FAM222A: variants seen among roughly 807,000 people sequenced by gnomAD.
FAM222A encodes the protein family with sequence similarity 222 member A.
In FAM222A, 7 loss-of-function variants were observed where a neutral mutation model predicts 25.8. That is an observed-to-expected ratio of 0.27 (90% CI 0.15 to 0.51). The LOEUF (loss-of-function observed/expected upper bound fraction) is 0.51. Among genes scored for constraint, FAM222A ranks in the 20% least tolerant of loss-of-function variants. The probability of loss-of-function intolerance (pLI) is 0.97; values close to 1 mark genes in which losing one functional copy is unlikely to be tolerated. For missense variants in FAM222A, 573 were observed against 640.5 expected (o/e 0.89, Z 1.14); for synonymous variants, 294 against 298.8 (o/e 0.98, Z 0.17).
At position 109,721,233 on chromosome 12, in the gene FAM222A, T is replaced by C. The variant is rs543085716; in HGVS notation, c.-47+6336T>C. Among the ~76,000 whole-genome samples the C allele has an allele frequency of 1.5e-4, 23 of 152,310 alleles. No individual in the cohort carries two copies. In the South Asian group the frequency reaches 2.1e-3, roughly 14 times the overall value. ...CCCCTTCATTATCCACACAAGCTTTTGCCTCTTCACTGCCTGTAAGGGTAC... is the reference window on the plus strand; with the variant it reads ...CCCCTTCATTATCCACACAAGCTTTCGCCTCTTCACTGCCTGTAAGGGTAC... On this transcript the variant is annotated intron_variant, in intron 1 of 2. Transcript: ENST00000538780.
chr12:109,730,406 C>CGG (rs56107932), intron 1 of FAM222A, among the ~76,000 whole-genome samples: 30 of 119,972 alleles, frequency 2.5e-4, no homozygotes, highest in African/African-American at 9.1e-4. Context: ...GCCTGGGGGG[C>CGG]GGGGGGGGGG....
chr12:109,720,610 A>G (rs1269886324), intron 1 of FAM222A, among the ~76,000 whole-genome samples: 2 of 152,248 alleles, frequency 1.3e-5, no homozygotes, highest in East Asian at 1.9e-4. Context: ...CCGATAGCCA[A>G]TGGGCAGTAA....
intron 2 of FAM222A, among the ~76,000 whole-genome samples, chr12:109,764,474 G>T (rs956993740): frequency 1.3e-5 from 2 of 152,108 alleles, no homozygotes; most frequent in Non-Finnish European, 2.9e-5. Flanking sequence ...GATAGATTTT[G>T]TAGATTTAAT....
At chr12:109,737,381 C>G (rs1888115049) in intron 1 of FAM222A, among the ~76,000 whole-genome samples, 1 of 152,060 alleles carries the variant, frequency 6.6e-6, no homozygotes, top group South Asian at 2.1e-4. Context: ...AGCCCAGAAC[C>G]AGGCACAATG....
rs990227857 is a variant in FAM222A at position 109,769,346 on chromosome 12, G to T, written c.*58G>T. 1 of 1,505,762 alleles carries T rather than the reference G, an allele frequency of 6.6e-7. No homozygotes were observed. Among genetic ancestry groups the T allele is most frequent in the Admixed American group, 2.0e-5 (1 of 49,396 alleles). The allele number at this position is 1,505,762 out of a possible 1,614,324, so 93.3% of individuals were successfully genotyped here. A position where few individuals can be genotyped will look rare whatever the true frequency, so the allele number is the denominator to read the frequency against. On this transcript the variant is annotated 3_prime_UTR_variant, in exon 3 of 3. Coordinates refer to ENST00000538780, the MANE Select transcript of FAM222A (RefSeq NM_032829.3). ...AGGGCGCAGAGCCGGGAGGCAGGCC[G>T]CAGAACAGGGTGGGCGGCTCGCAGG...
chr12:109,744,367 G>T (rs2136345664), intron 2 of FAM222A, 139 bp downstream of exon 2: 1 of 1,421,512 alleles, frequency 7.0e-7, no homozygotes, highest in South Asian at 1.5e-5. Context: ...GGCCCCGGCT[G>T]TGCTGCCTTC....
intron 1 of FAM222A, among the ~76,000 whole-genome samples, chr12:109,738,386 G>A (rs781288461): frequency 6.2e-4 from 95 of 152,146 alleles, no homozygotes; most frequent in Non-Finnish European, 1.2e-3. Flanking sequence ...TCTCTTCCCC[G>A]GGCCCTGGGC....
chr12:109,735,058 G>A (rs1445627187), intron 1 of FAM222A, among the ~76,000 whole-genome samples: 4 of 152,198 alleles, frequency 2.6e-5, no homozygotes, highest in Non-Finnish European at 5.9e-5. Context: ...TTCTGCCCCA[G>A]CCTGACCCCC....
chr12:109,734,415 C>CACA lies in FAM222A; in HGVS notation c.-46-9686_-46-9685insACA, dbSNP rs1435574909. Reference sequence around the variant, plus strand: ...GAATTGGCTCCACCGGATCCGGCTCCGCAGAAAGCTCACTGCTTCCTGTGG... The same window carrying CACA: ...GAATTGGCTCCACCGGATCCGGCTCCACAGCAGAAAGCTCACTGCTTCCTGTGG... On this transcript the variant is annotated intron_variant, in intron 1 of 2. Transcript: ENST00000538780. 2.6e-5 allele frequency: 4 copies of CACA among 151,962 alleles called. No homozygotes were observed. The East Asian group carries it at 5.8e-4, about 22-fold the overall frequency. The allele number at this position is 151,962 out of a possible 1,614,324, so 9.4% of individuals were successfully genotyped here.
chr12:109,727,225 G>A (rs577522966), intron 1 of FAM222A, among the ~76,000 whole-genome samples: 6 of 152,228 alleles, frequency 3.9e-5, no homozygotes, highest in South Asian at 2.1e-4. Flanking sequence ...GAGCCGGGCC[G>A]GGCGGCCAGC....
chr12:109,762,956 A>G (rs1027681369), intron 2 of FAM222A, among the ~76,000 whole-genome samples: 1 of 152,238 alleles, frequency 6.6e-6, no homozygotes, highest in African/African-American at 2.4e-5. Context: ...AGCTCCCCCA[A>G]GCCCATCTCT....
Position 109,768,118 on chromosome 12 carries a change from C to G in FAM222A, c.189C>G (p.Phe63Leu), listed in dbSNP as rs1889112711. The G allele has an allele frequency of 6.2e-7, 1 of 1,613,936 alleles. No individual in the cohort carries two copies. Among genetic ancestry groups the G allele is most frequent in the African/African-American group, 1.3e-5 (1 of 74,946 alleles). Reference sequence around the variant, plus strand: ...ACAGCCCGCTGTCCATCAAGATCTTCCCCACCAACATCCGTGTGCCCCAGC... The same window carrying G: ...ACAGCCCGCTGTCCATCAAGATCTTGCCCACCAACATCCGTGTGCCCCAGC... ...VANSPLSIKIFPTNIRVPQHK... is the reference protein window; with the variant it reads ...VANSPLSIKILPTNIRVPQHK... Residue 63 changes from phenylalanine (F) to leucine (L), a missense_variant, in exon 3 of 3, where the codon TTC becomes TTG. Coordinates refer to ENST00000538780, the MANE Select transcript of FAM222A (RefSeq NM_032829.3).
At chr12:109,750,091 ATTT>A (rs1565842791) in intron 2 of FAM222A, among the ~76,000 whole-genome samples, 1 of 152,102 alleles carries the variant, frequency 6.6e-6, no homozygotes, top group African/African-American at 2.4e-5. Context: ...TTTGTGCTTT[ATTT>A]AAGTTGTCCT....
intron 1 of FAM222A, among the ~76,000 whole-genome samples, chr12:109,737,065 C>A (rs1888105718): frequency 6.6e-6 from 1 of 152,130 alleles, no homozygotes; most frequent in Admixed American, 6.5e-5. Flanking sequence ...GACGATTCAT[C>A]AAACATTTAT....
At chr12:109,754,698 T>C (rs1454742213) in intron 2 of FAM222A, among the ~76,000 whole-genome samples, 1 of 151,904 alleles carries the variant, frequency 6.6e-6, no homozygotes, top group Admixed American at 6.6e-5. Flanking sequence ...AACAGGGTCT[T>C]GCTCTGTTAC....
intron 2 of FAM222A, among the ~76,000 whole-genome samples, chr12:109,750,433 A>C (rs1380537967): frequency 6.6e-6 from 1 of 152,244 alleles, no homozygotes; most frequent in African/African-American, 2.4e-5. Context: ...TGGGAGGCCA[A>C]GGTGGGAGGA....
Position 109,714,187 on chromosome 12 carries a change from C to G in FAM222A, c.-757C>G, listed in dbSNP as rs1295972928. 1 of 207,226 alleles carries G rather than the reference C, an allele frequency of 4.8e-6. No individual in the cohort carries two copies. The highest frequency in any genetic ancestry group is 9.7e-6 in the Non-Finnish European group (1 of 103,372). 12.8% of individuals were successfully genotyped at this position (207,226 alleles called of 1,614,324 possible). On this transcript the variant is annotated 5_prime_UTR_variant, in exon 1 of 3. Transcript: ENST00000538780. The surrounding 1 kb of genome is among the most constrained non-coding windows in gnomAD (Gnocchi z 4.2). The stretch of plus-strand genomic sequence containing the variant: ...CGAGGCCCCCGAGGCTGCATCCGAG[C>G]TTGCGTCGCCCGCTGCCGCCGCCGC...
chr12:109,738,914 G>C (rs1019754410), intron 1 of FAM222A, among the ~76,000 whole-genome samples: 1 of 152,246 alleles, frequency 6.6e-6, no homozygotes, highest in Admixed American at 6.5e-5. Flanking sequence ...AGGTCACCCA[G>C]CCAGTGAGAA....
chr12:109,720,068 A>G (rs1019593760), intron 1 of FAM222A: 2 of 984,798 alleles, frequency 2.0e-6, no homozygotes, highest in African/African-American at 1.7e-5. Context: ...TTGCATGTGC[A>G]TAGTGCTTGC....
Sources: allele counts gnomAD v4.1 joint callset (sites outside exome capture counted in the v4.1 genomes callset), GRCh38; gene constraint gnomAD v4.1.1; non-coding constraint Gnocchi (gnomAD v3.1); transcripts MANE v1.5; gene names NCBI Gene and HGNC (gene_info 2026-07-23, HGNC 2026-07-21).